Variants in ZBTB7C observed in about 807,000 individuals in gnomAD.
ZBTB7C encodes the protein zinc finger and BTB domain-containing protein 7C.
Under a neutral mutation model 25.7 loss-of-function variants are expected in ZBTB7C, and 8 were observed. The observed-to-expected ratio is 0.31, with a 90% CI of 0.18 to 0.56. The LOEUF (loss-of-function observed/expected upper bound fraction) is 0.56. ZBTB7C is among the 20% of genes least tolerant of loss of function. The pLI is 0.91. For missense variants in ZBTB7C, 824 were observed against 855.2 expected, an observed-to-expected ratio of 0.96 and a Z score of 0.46; for synonymous variants, 394 against 369.0, an observed-to-expected ratio of 1.07 and a Z score of -0.78.
intron 1 of ZBTB7C, among the ~76,000 whole-genome samples, chr18:48,367,196 TATATATACACACACAC>T (rs1438325689): frequency 3.5e-5 from 2 of 57,480 alleles, no homozygotes; most frequent in Non-Finnish European, 6.8e-5. Flanking sequence ...TATATATATA[TATATATACACACACAC>T]ACACACACAC....
intron 2 of ZBTB7C, among the ~76,000 whole-genome samples, chr18:48,187,501 G>T (rs2145138737): frequency 6.6e-6 from 1 of 152,224 alleles, no homozygotes; most frequent in Non-Finnish European, 1.5e-5. Flanking sequence ...GGTACCTAGA[G>T]AAGTCAAATC....
In ZBTB7C at chr18:48,107,681, G is replaced by T. The variant is rs2039083337; in HGVS notation, c.-16-66558C>A. On this transcript the variant is annotated intron_variant, in intron 3 of 4. Coordinates refer to ENST00000590800, the MANE Select transcript of ZBTB7C (RefSeq NM_001318841.2). ...GCCGGCCTCCTTGCAGCCCACTCTG[G>T]TGCTCCCAGACAACACATGGGAACC... is the stretch of plus-strand genomic sequence containing the variant. Among the ~76,000 whole-genome samples, 2 of 152,106 alleles carry T rather than the reference G, an allele frequency of 1.3e-5. 1 individual carries two copies. Among genetic ancestry groups the T allele is most frequent in the South Asian group, 4.1e-4 (2 of 4,832 alleles).
At chr18:48,180,098 CTTTCCTTCCTTCCT>C (rs2041864765) in intron 3 of ZBTB7C, among the ~76,000 whole-genome samples, 1 of 109,100 alleles carries the variant, frequency 9.2e-6, no homozygotes, top group Non-Finnish European at 1.9e-5. Context: ...CCCTTCCTTC[CTTTCCTTCCTTCCT>C]TTCCTTCCTT....
chr18:48,218,941 CT>C (rs1306978640), intron 2 of ZBTB7C, among the ~76,000 whole-genome samples: 1 of 152,164 alleles, frequency 6.6e-6, no homozygotes, highest in East Asian at 1.9e-4. Context: ...AGAGACCCCC[CT>C]GGAGGCTCTC....
chr18:48,257,847 A>G (rs2044063404), intron 2 of ZBTB7C, among the ~76,000 whole-genome samples: 1 of 152,132 alleles, frequency 6.6e-6, no homozygotes, highest in South Asian at 2.1e-4. Context: ...AAAATCAAAC[A>G]TCCATTTCTG....
chr18:48,330,751 G>A (rs139125944), intron 2 of ZBTB7C, among the ~76,000 whole-genome samples: 2 of 152,094 alleles, frequency 1.3e-5, no homozygotes, highest in African/African-American at 2.4e-5. Context: ...AGAAGAAAAG[G>A]GGGTGGAGAC....
At chr18:48,356,260 G>A (rs372654876) in intron 1 of ZBTB7C, among the ~76,000 whole-genome samples, 3 of 152,082 alleles carry the variant, frequency 2.0e-5, no homozygotes, top group East Asian at 3.9e-4. Flanking sequence ...AAGTGAACTC[G>A]CTCAGAAAGC....
chr18:48,384,714 C>T (rs187824158), intron 1 of ZBTB7C, among the ~76,000 whole-genome samples: 2 of 152,240 alleles, frequency 1.3e-5, no homozygotes, highest in East Asian at 3.9e-4. Context: ...TTGAGTCTCG[C>T]TCTGTCACCC....
chr18:48,231,747 A>G (rs1329091466), intron 2 of ZBTB7C, among the ~76,000 whole-genome samples: 2 of 145,854 alleles, frequency 1.4e-5, no homozygotes, highest in Admixed American at 1.3e-4. Flanking sequence ...GAGAAGAGAG[A>G]AGGAGAGAAG....
intron 3 of ZBTB7C, among the ~76,000 whole-genome samples, chr18:48,122,518 T>C (rs2039664440): frequency 6.6e-6 from 1 of 152,136 alleles, no homozygotes. Context: ...CACCATTAAA[T>C]TCATGGTGCC....
intron 2 of ZBTB7C, among the ~76,000 whole-genome samples, chr18:48,277,228 A>G (rs951921925): frequency 6.8e-6 from 1 of 146,128 alleles, no homozygotes; most frequent in Non-Finnish European, 1.5e-5. Context: ...AATGGGAGAA[A>G]ATTTTCGCAA....
At chr18:48,395,024 C>CAG (rs2047988228) in intron 1 of ZBTB7C, among the ~76,000 whole-genome samples, 1 of 151,938 alleles carries the variant, frequency 6.6e-6, no homozygotes, top group African/African-American at 2.4e-5. Context: ...TCTTAATGTG[C>CAG]TGTGTGTGTG....
At chr18:48,206,219 G>A (rs1217837771) in intron 2 of ZBTB7C, among the ~76,000 whole-genome samples, 1 of 152,194 alleles carries the variant, frequency 6.6e-6, no homozygotes, top group Non-Finnish European at 1.5e-5. Flanking sequence ...AGTAAGCAGA[G>A]TGGTATGGTG....
intron 2 of ZBTB7C, among the ~76,000 whole-genome samples, chr18:48,258,897 T>A (rs1318082469): frequency 6.6e-6 from 1 of 152,218 alleles, no homozygotes; most frequent in Non-Finnish European, 1.5e-5. Context: ...CCTCAGGTTA[T>A]CAGCCTGCCT....
chr18:48,149,326 T>C (rs1010437108), intron 3 of ZBTB7C: 1 of 152,354 alleles, frequency 6.6e-6, no homozygotes, highest in Admixed American at 6.5e-5. Flanking sequence ...CACAGCAGTT[T>C]CTGTGTTGTT....
At chr18:48,300,410 G>A (rs2144736882) in intron 2 of ZBTB7C, among the ~76,000 whole-genome samples, 1 of 152,306 alleles carries the variant, frequency 6.6e-6, no homozygotes, top group Admixed American at 6.5e-5. Flanking sequence ...GAAAACAGAA[G>A]TTTCTGTCCA....
At position 48,040,447 on chromosome 18, in the gene ZBTB7C, C is replaced by T; in HGVS notation, c.661G>A (p.Val221Met). The T allele has an allele frequency of 1.9e-6, 3 of 1,607,026 alleles. No homozygotes were observed. The highest frequency in any genetic ancestry group is 1.1e-5 in the South Asian group (1 of 89,696). Residue 221 changes from valine (V) to methionine (M), a missense_variant, in exon 4 of 5, where the codon GTG becomes ATG. This residue lies in a region of ZBTB7C where 316 missense variants were observed against 299.2 expected (regional missense o/e 1.06). Transcript: ENST00000590800. Reference sequence around the variant, plus strand: ...GATTCGATGGAGAAGTCCCGGATCACCCCCAGATGGCCAGGACTGCCAGCC... The same window carrying T: ...GATTCGATGGAGAAGTCCCGGATCATCCCCAGATGGCCAGGACTGCCAGCC... The part of the protein sequence containing the change: ...FQAGSPGHLG[V>M]IRDFSIESLL...
intron 2 of ZBTB7C, among the ~76,000 whole-genome samples, chr18:48,234,571 A>T (rs964722542): frequency 5.3e-5 from 8 of 152,146 alleles, no homozygotes; most frequent in Admixed American, 4.6e-4. Flanking sequence ...GCACACCATG[A>T]ACTCTTTCCA....
At chr18:48,356,275 A>G (rs1162507788) in intron 1 of ZBTB7C, among the ~76,000 whole-genome samples, 2 of 152,186 alleles carry the variant, frequency 1.3e-5, no homozygotes, top group Admixed American at 6.5e-5. Context: ...GAAAGCCTCC[A>G]TGCAGCCTGA....
Sources: gnomAD v4.1 joint callset for allele counts (sites outside exome capture counted in the v4.1 genomes callset) on GRCh38, gnomAD v4.1.1 for gene constraint, gnomAD v4.1.1 regional missense constraint, MANE v1.5 for transcripts, NCBI Gene and HGNC (gene_info 2026-07-23, HGNC 2026-07-21) for gene names.